The following MCCC2 variants were observed in gnomAD, a reference collection of about 807,000 sequenced individuals.
The protein encoded by MCCC2 is methylcrotonoyl-CoA carboxylase beta chain, mitochondrial.
A neutral mutation model predicts 77.2 loss-of-function variants in MCCC2; 52 were observed. That is an observed-to-expected ratio of 0.67 (90% CI 0.54 to 0.85). MCCC2 has a LOEUF of 0.85. Ranked by LOEUF, MCCC2 falls within the 40% of genes least tolerant of loss-of-function variation. The pLI is 0.00. For missense variants in MCCC2, 682 were observed against 703.2 expected (o/e 0.97, Z 0.34); for synonymous variants, 253 against 248.4 (o/e 1.02, Z -0.18).
chr5:71,621,077 C>T (rs1038921459), intron 6 of MCCC2, among the ~76,000 whole-genome samples: 7 of 152,334 alleles, frequency 4.6e-5, no homozygotes, highest in African/African-American at 1.7e-4. Flanking sequence ...TCTGGTCATG[C>T]ATCTTATGTC....
At chr5:71,648,907 G>C (rs1747347715) in intron 13 of MCCC2, among the ~76,000 whole-genome samples, 190 bp from the exon 14 acceptor site, 1 of 152,216 alleles carries the variant, frequency 6.6e-6, no homozygotes, top group South Asian at 2.1e-4. Flanking sequence ...TTTAGAAAGT[G>C]ATTAGAGAAA....
intron 6 of MCCC2, among the ~76,000 whole-genome samples, chr5:71,624,029 C>T (rs1323315835): frequency 6.6e-6 from 1 of 152,176 alleles, no homozygotes; most frequent in African/African-American, 2.4e-5. Flanking sequence ...ATTTATTTCT[C>T]ATAACTCTGG....
At chr5:71,652,554 A>C in intron 15 of MCCC2, 115 bp from the exon 16 acceptor site, 1 of 804,672 alleles carries the variant, frequency 1.2e-6, no homozygotes, top group Middle Eastern at 2.3e-4. Flanking sequence ...CACTATGCAC[A>C]TGTTAGATGT....
chr5:71,621,971 A>T (rs1214842616), intron 6 of MCCC2, among the ~76,000 whole-genome samples: 1 of 152,114 alleles, frequency 6.6e-6, no homozygotes. Flanking sequence ...TGCTTATCTC[A>T]CATTGCATGC....
chr5:71,606,192 T>G (rs1333600890), intron 6 of MCCC2, among the ~76,000 whole-genome samples: 3 of 151,158 alleles, frequency 2.0e-5, no homozygotes, highest in Non-Finnish European at 4.4e-5. Context: ...CGATATTGAT[T>G]CTTCCTACCC....
chr5:71,644,064 TGTGTGTGCGC>T lies in MCCC2; in HGVS notation c.1149+171_1149+180del, dbSNP rs1320749469. On this transcript the variant is annotated intron_variant, in intron 12 of 16. Coordinates refer to ENST00000340941, the MANE Select transcript of MCCC2 (RefSeq NM_022132.5). The stretch of plus-strand genomic sequence containing the variant: ...GTGTGTGTGTGTGTGTGTGTGTGTG[TGTGTGTGCGC>T]GCGTGTGTATATATGTGCATGTATG... Among the ~76,000 whole-genome samples, 90 of 139,756 alleles carry T rather than the reference TGTGTGTGCGC, an allele frequency of 6.4e-4. 1 individual carries two copies. Among genetic ancestry groups the T allele is most frequent in the African/African-American group, 2.2e-3 (69 of 31,574 alleles). 91.7% of individuals were successfully genotyped at this position (139,756 alleles called of 152,430 possible). A position where few individuals can be genotyped will look rare whatever the true frequency, so the allele number is the denominator to read the frequency against.
chr5:71,626,082 G>C (rs554564330), intron 6 of MCCC2, among the ~76,000 whole-genome samples: 1 of 152,180 alleles, frequency 6.6e-6, no homozygotes, highest in Admixed American at 6.5e-5. Context: ...AGATAGTACT[G>C]TGAACCCTAT....
chr5:71,588,459 A>G (rs1486067663), intron 1 of MCCC2, among the ~76,000 whole-genome samples: 1 of 152,206 alleles, frequency 6.6e-6, no homozygotes, highest in Non-Finnish European at 1.5e-5. Context: ...AATAGTGCAA[A>G]CAACACACAA....
At chr5:71,636,187 T>C (rs754055630) in intron 10 of MCCC2, 2 of 345,264 alleles carry the variant, frequency 5.8e-6, no homozygotes, top group South Asian at 4.8e-5. Flanking sequence ...CAGTAACTAT[T>C]TTCTGAATGC....
At chr5:71,649,942 A>T (rs989988285) in intron 14 of MCCC2, 127 bp from the exon 15 acceptor site, 24 of 749,666 alleles carry the variant, frequency 3.2e-5, no homozygotes, top group Non-Finnish European at 5.2e-5. Flanking sequence ...TATTTGTGAA[A>T]GCTCTACAGA....
At chr5:71,626,938 A>G (rs1746549656) in intron 7 of MCCC2, among the ~76,000 whole-genome samples, 185 bp downstream of exon 7, 1 of 152,192 alleles carries the variant, frequency 6.6e-6, no homozygotes, top group Admixed American at 6.5e-5. Context: ...TTGTGCAACC[A>G]TCACTACCAT....
At chr5:71,601,236 T>C (rs1018271096) in intron 4 of MCCC2, among the ~76,000 whole-genome samples, 7 of 152,200 alleles carry the variant, frequency 4.6e-5, no homozygotes, top group African/African-American at 1.4e-4. Flanking sequence ...CCCTTGTCCA[T>C]GGTCACATAA....
chr5:71,609,443 A>G (rs1745825771), intron 6 of MCCC2, among the ~76,000 whole-genome samples: 1 of 148,798 alleles, frequency 6.7e-6, no homozygotes, highest in Admixed American at 6.7e-5. Flanking sequence ...ACTTCTCTGT[A>G]TTGGTTATTC....
At chr5:71,597,430 T>C (rs894262682) in intron 3 of MCCC2, among the ~76,000 whole-genome samples, 23 of 152,170 alleles carry the variant, frequency 1.5e-4, no homozygotes, top group Admixed American at 6.5e-5. Flanking sequence ...TTCTGGCTGC[T>C]GTGTTGTGAG....
chr5:71,590,623 C>G (rs1354484867), intron 1 of MCCC2, among the ~76,000 whole-genome samples: 1 of 151,966 alleles, frequency 6.6e-6, no homozygotes, highest in Non-Finnish European at 1.5e-5. Context: ...TCTAGACCAG[C>G]CTGGCCAACA....
intron 10 of MCCC2, among the ~76,000 whole-genome samples, chr5:71,638,798 G>C (rs1379415010): frequency 1.3e-5 from 2 of 152,160 alleles, no homozygotes; most frequent in Non-Finnish European, 2.9e-5. Flanking sequence ...TGAGAATACA[G>C]GTGTGAGCCA....
At chr5:71,599,972 G>T (rs889974851) in intron 4 of MCCC2, among the ~76,000 whole-genome samples, 11 of 152,168 alleles carry the variant, frequency 7.2e-5, no homozygotes, top group African/African-American at 2.6e-4. Context: ...TTGAGATCAG[G>T]CTGGCCAATG....
intron 12 of MCCC2, among the ~76,000 whole-genome samples, chr5:71,645,704 A>C (rs2112462922): frequency 6.6e-6 from 1 of 152,306 alleles, no homozygotes; most frequent in African/African-American, 2.4e-5. Flanking sequence ...CTGTTACTTA[A>C]GTTTCACTTG....
Position 71,657,457 on chromosome 5 carries a change from TTC to T in MCCC2, c.*601_*602del, listed in dbSNP as rs1747615337. The T allele has an allele frequency of 6.5e-6, 1 of 152,966 alleles. No homozygotes were observed. The highest frequency in any genetic ancestry group is 2.4e-5 in the African/African-American group (1 of 41,342). 9.5% of individuals were successfully genotyped at this position (152,966 alleles called of 1,614,324 possible). A position where few individuals can be genotyped will look rare whatever the true frequency, so the allele number is the denominator to read the frequency against. On this transcript the variant is annotated 3_prime_UTR_variant, in exon 17 of 17. Coordinates refer to ENST00000340941, the MANE Select transcript of MCCC2 (RefSeq NM_022132.5). Reference sequence around the variant, plus strand: ...TTATTTTTTTTTTGAGACAGGGTGTTTCTCTGTTGCCCAGGCTGGAGTGCGGT... The same window carrying T: ...TTATTTTTTTTTTGAGACAGGGTGTTTCTGTTGCCCAGGCTGGAGTGCGGT...
Sources: allele counts gnomAD v4.1 joint callset (sites outside exome capture counted in the v4.1 genomes callset), GRCh38; gene constraint gnomAD v4.1.1; transcripts MANE v1.5; gene names NCBI Gene and HGNC (gene_info 2026-07-23, HGNC 2026-07-21).